ZNF184: variants seen among roughly 807,000 people sequenced by gnomAD.
The protein encoded by ZNF184 is zinc finger protein 184, also known as zinc finger protein 184 (Kruppel-like).
In ZNF184, 16 loss-of-function variants were observed where a neutral mutation model predicts 54.4. The observed-to-expected ratio is 0.29, with a 90% confidence interval of 0.20 to 0.45. The LOEUF (loss-of-function observed/expected upper bound fraction) is 0.45, where lower values mean the gene tolerates loss of function less well. ZNF184 is among the 20% of genes least tolerant of loss of function. The pLI, the probability that ZNF184 is intolerant of heterozygous loss-of-function variation, is 1.00. For missense variants in ZNF184, 681 were observed against 888.2 expected (o/e 0.77, Z 2.97); for synonymous variants, 254 against 295.3 (o/e 0.86, Z 1.43).
At chr6:27,442,701 CAG>C in the ZNF184 span, among the ~76,000 whole-genome samples, 2 of 107,330 alleles carry the variant, frequency 1.9e-5, no homozygotes, top group African/African-American at 7.5e-5. Flanking sequence ...GAGAGAGAAA[CAG>C]AGAGAGAGAA....
intron 3 of ZNF184, 128 bp downstream of exon 3, chr6:27,467,725 T>C (rs1763175870): frequency 3.8e-6 from 3 of 790,588 alleles, no homozygotes; most frequent in African/African-American, 1.8e-5. Flanking sequence ...ATGCGGTTAC[T>C]AGACAGATGA....
chr6:27,432,478 G>A, the ZNF184 span, among the ~76,000 whole-genome samples: 1 of 152,126 alleles, frequency 6.6e-6, no homozygotes. This position sits in a 1 kb window ranked among gnomAD's most constrained non-coding sequence, Gnocchi z 4.0. Flanking sequence ...ATCTCTATTA[G>A]CCGTTTAAGG....
chr6:27,456,041 T>C (rs939084590), intron 5 of ZNF184, among the ~76,000 whole-genome samples: 1 of 152,144 alleles, frequency 6.6e-6, no homozygotes, highest in Non-Finnish European at 1.5e-5. Context: ...GTAGATCACT[T>C]GAGCCCAGGA....
the ZNF184 span, among the ~76,000 whole-genome samples, chr6:27,438,473 T>C: frequency 2.6e-5 from 4 of 152,274 alleles, no homozygotes; most frequent in East Asian, 1.9e-4. Flanking sequence ...CTTTTTTTAA[T>C]TGGACATGCC....
At chr6:27,463,952 A>T (rs1364337417) in intron 3 of ZNF184, among the ~76,000 whole-genome samples, 2 of 151,602 alleles carry the variant, frequency 1.3e-5, no homozygotes, top group African/African-American at 4.8e-5. Flanking sequence ...ATATGGTTCG[A>T]CACCAGGGTT....
At chr6:27,429,286 G>A in the ZNF184 span, among the ~76,000 whole-genome samples, 3 of 152,240 alleles carry the variant, frequency 2.0e-5, no homozygotes, top group East Asian at 3.9e-4. Context: ...TTCCTTTTGC[G>A]ACAAACTTGC....
chr6:27,467,141 T>C (rs4713105), intron 3 of ZNF184, among the ~76,000 whole-genome samples: 88,445 of 151,980 alleles, frequency 0.58, 26,331 homozygotes, highest in Middle Eastern at 0.74. Flanking sequence ...AAATGTCACC[T>C]ATTGTTTTAG....
the ZNF184 span, among the ~76,000 whole-genome samples, chr6:27,423,884 T>C: frequency 5.9e-5 from 9 of 152,250 alleles, no homozygotes; most frequent in African/African-American, 2.2e-4. Context: ...TATCAGCATT[T>C]CTTTGCAGGC....
chr6:27,422,207 A>AGAAG, the ZNF184 span, among the ~76,000 whole-genome samples: 1 of 114,142 alleles, frequency 8.8e-6, no homozygotes. Context: ...AAAGAAAGAA[A>AGAAG]GAAAGAAAGA....
At chr6:27,407,974 A>G in the ZNF184 span, 2 of 1,504,614 alleles carry the variant, frequency 1.3e-6, no homozygotes, top group Non-Finnish European at 1.8e-6. Flanking sequence ...GACTATGCTG[A>G]ATTTGCAAAA....
At chr6:27,464,752 C>T (rs1242007833) in intron 3 of ZNF184, among the ~76,000 whole-genome samples, 2 of 152,108 alleles carry the variant, frequency 1.3e-5, no homozygotes, top group Non-Finnish European at 2.9e-5. Context: ...CACAGTGGTT[C>T]ATGCCTGTAA....
At chr6:27,445,395 T>C in the ZNF184 span, among the ~76,000 whole-genome samples, 2 of 152,190 alleles carry the variant, frequency 1.3e-5, no homozygotes, top group African/African-American at 4.8e-5. Flanking sequence ...CCAAAACTCA[T>C]GTTAAAATTT....
At chr6:27,409,735 G>A in the ZNF184 span, among the ~76,000 whole-genome samples, 5,457 of 151,952 alleles carry the variant, frequency 0.036, 201 homozygotes, top group African/African-American at 0.095. Context: ...AGAAAAATAC[G>A]TTAAAAATAA....
Position 27,472,481 on chromosome 6 carries a change from A to C in ZNF184, c.-139-48T>G. On this transcript the variant is annotated intron_variant, in intron 1 of 5. Transcript: ENST00000683788. This position sits in a 1 kb window ranked among gnomAD's most constrained non-coding sequence, Gnocchi z 4.8. ...AGCAGCATACGTCACACAATCACAC[A>C]TCAGAGTCTTGCAAAGTGACCAAGA... 1 of 666,796 alleles carries C rather than the reference A, an allele frequency of 1.5e-6. No homozygotes were observed. Among genetic ancestry groups the C allele is most frequent in the Non-Finnish European group, 2.6e-6 (1 of 385,168 alleles). The allele number at this position is 666,796 out of a possible 1,614,324, so 41.3% of individuals were successfully genotyped here.
the ZNF184 span, among the ~76,000 whole-genome samples, chr6:27,416,577 T>C: frequency 6.6e-6 from 1 of 152,198 alleles, no homozygotes; most frequent in African/African-American, 2.4e-5. Flanking sequence ...TATACGTCTC[T>C]GTTTGAATCT....
At chr6:27,410,698 A>G in the ZNF184 span, among the ~76,000 whole-genome samples, 2 of 151,956 alleles carry the variant, frequency 1.3e-5, no homozygotes, top group African/African-American at 4.8e-5. Context: ...CGCCCGGCTA[A>G]TTTTTGTATT....
chr6:27,411,460 A>G, the ZNF184 span, among the ~76,000 whole-genome samples: 2 of 152,248 alleles, frequency 1.3e-5, no homozygotes, highest in African/African-American at 4.8e-5. Context: ...ATTGTTACTT[A>G]ACTTACATGT....
At chr6:27,411,733 C>A in the ZNF184 span, among the ~76,000 whole-genome samples, 1 of 152,336 alleles carries the variant, frequency 6.6e-6, no homozygotes, top group East Asian at 1.9e-4. Context: ...ACTTGGCTCT[C>A]ACATTTAAGT....
At position 27,451,101 on chromosome 6, in the gene ZNF184, AC is replaced by A; in HGVS notation, c.*201del. The A allele has an allele frequency of 1.9e-6, 1 of 513,036 alleles. No individual in the cohort carries two copies. Among genetic ancestry groups the A allele is most frequent in the East Asian group, 3.2e-5 (1 of 31,330 alleles). 31.8% of individuals were successfully genotyped at this position (513,036 alleles called of 1,614,324 possible). A position where few individuals can be genotyped will look rare whatever the true frequency, so the allele number is the denominator to read the frequency against. On this transcript the variant is annotated 3_prime_UTR_variant, in exon 6 of 6. Transcript: ENST00000683788. ...TCCATAAAGGAAACTAAAGCTTAAAACAGTAGAGTTTTCTAATGTCACAGAG... is the reference window on the plus strand; with the variant it reads ...TCCATAAAGGAAACTAAAGCTTAAAAAGTAGAGTTTTCTAATGTCACAGAG...
Sources: gnomAD v4.1 joint callset for allele counts (sites outside exome capture counted in the v4.1 genomes callset) on GRCh38, gnomAD v4.1.1 for gene constraint, Gnocchi (gnomAD v3.1) non-coding constraint, MANE v1.5 for transcripts, NCBI Gene and HGNC (gene_info 2026-07-23, HGNC 2026-07-21) for gene names.